KIAA1217: variants seen among roughly 807,000 people sequenced by gnomAD.
KIAA1217 encodes sickle tail protein homolog.
A neutral mutation model predicts 163.9 loss-of-function variants in KIAA1217; 88 were observed. That is an observed-to-expected ratio of 0.54 (90% CI 0.45 to 0.64). KIAA1217 has a LOEUF of 0.64. KIAA1217 is among the 30% of genes least tolerant of loss of function. The pLI, the probability that KIAA1217 is intolerant of heterozygous loss-of-function variation, is 0.00. For missense variants in KIAA1217, 2,372 were observed against 2,475.0 expected, an observed-to-expected ratio of 0.96 and a Z score of 0.88; for synonymous variants, 903 against 923.1, an observed-to-expected ratio of 0.98 and a Z score of 0.39.
intron 1 of KIAA1217, among the ~76,000 whole-genome samples, chr10:23,704,172 G>GTGTGTA (rs1229370789): frequency 5.3e-4 from 21 of 39,934 alleles, no homozygotes; most frequent in African/African-American, 1.2e-3. Flanking sequence ...GTGTGTGTGT[G>GTGTGTA]TATATATATA....
chr10:24,419,300 G>C (rs1055490102), intron 3 of KIAA1217, among the ~76,000 whole-genome samples: 5 of 152,104 alleles, frequency 3.3e-5, no homozygotes, highest in Admixed American at 2.0e-4. Flanking sequence ...TCAGATCTGA[G>C]TGCTCTGTGG....
At chr10:23,881,985 C>T (rs909612135) in intron 1 of KIAA1217, among the ~76,000 whole-genome samples, 1 of 151,898 alleles carries the variant, frequency 6.6e-6, no homozygotes, top group African/African-American at 2.4e-5. Flanking sequence ...TGCTGCTTAT[C>T]TCTTTCATTA....
rs903103460 is a variant in KIAA1217, at chr10:24,478,699, T to G, written c.1679+4639T>G. Among the ~76,000 whole-genome samples, 11 of 152,330 alleles carry G rather than the reference T, an allele frequency of 7.2e-5. 1 individual carries two copies. The highest frequency in any genetic ancestry group is 6.5e-4 in the Admixed American group (10 of 15,302). ...CATGTGTGACAAATGGCTTAGTGCC[T>G]GAGGCTCTGTCTTCTCTAGGTTGTA... On this transcript the variant is annotated intron_variant, in intron 6 of 20. Transcript: ENST00000376454.
chr10:23,951,893 G>A (rs1844351875), intron 1 of KIAA1217, among the ~76,000 whole-genome samples: 1 of 152,100 alleles, frequency 6.6e-6, no homozygotes, highest in African/African-American at 2.4e-5. Context: ...ACTTTTCATT[G>A]TTTTTCTATG....
intron 1 of KIAA1217, among the ~76,000 whole-genome samples, chr10:23,765,256 G>A (rs1164285141): frequency 2.2e-5 from 3 of 135,048 alleles, no homozygotes; most frequent in African/African-American, 5.6e-5. Context: ...GTGCAGTGGC[G>A]CGATCTCCGC....
intron 2 of KIAA1217, among the ~76,000 whole-genome samples, chr10:24,128,953 A>G (rs1299029765): frequency 3.9e-5 from 6 of 152,238 alleles, no homozygotes; most frequent in African/African-American, 1.4e-4. Flanking sequence ...TTTCAAGAGA[A>G]TCAGAATTAA....
intron 2 of KIAA1217, among the ~76,000 whole-genome samples, chr10:24,195,170 T>G (rs572242158): frequency 6.6e-6 from 1 of 152,244 alleles, no homozygotes; most frequent in East Asian, 1.9e-4. Context: ...CCTTCAGGCC[T>G]AGGAGAAGTA....
intron 1 of KIAA1217, among the ~76,000 whole-genome samples, chr10:23,768,133 T>G (rs1331062194): frequency 6.6e-6 from 1 of 152,214 alleles, no homozygotes; most frequent in East Asian, 1.9e-4. Context: ...TCTTAAAATG[T>G]AGCCCAATGA....
chr10:24,522,302 C>T (rs752506122), intron 12 of KIAA1217, among the ~76,000 whole-genome samples: 12 of 151,560 alleles, frequency 7.9e-5, no homozygotes, highest in Non-Finnish European at 1.5e-4. Flanking sequence ...CCAGCCTGGG[C>T]AACAGAGAAA....
At chr10:24,210,146 G>T (rs773732998) in intron 1 of KIAA1217, among the ~76,000 whole-genome samples, 1 of 151,882 alleles carries the variant, frequency 6.6e-6, no homozygotes, top group African/African-American at 2.4e-5. Flanking sequence ...GGAGTGCAGT[G>T]CTGTGCGTGG....
At chr10:23,759,876 C>A (rs748521934) in intron 1 of KIAA1217, among the ~76,000 whole-genome samples, 2 of 152,162 alleles carry the variant, frequency 1.3e-5, no homozygotes, top group South Asian at 4.1e-4. Flanking sequence ...GTTTCTATAT[C>A]CACACCTACA....
At chr10:24,359,746 AC>A (rs941742497) in intron 2 of KIAA1217, among the ~76,000 whole-genome samples, 9 of 152,092 alleles carry the variant, frequency 5.9e-5, no homozygotes, top group Non-Finnish European at 1.2e-4. Flanking sequence ...TTGGGATATC[AC>A]CCTGAACTCT....
At chr10:24,480,729 C>A (rs746863597) in intron 6 of KIAA1217, among the ~76,000 whole-genome samples, 1 of 152,004 alleles carries the variant, frequency 6.6e-6, no homozygotes, top group Non-Finnish European at 1.5e-5. Flanking sequence ...AGGAACTCCC[C>A]GAAGAAGCAG....
rs566119249 is a variant in KIAA1217, at chr10:24,039,856, A to C, written c.-171+32482A>C. Among the ~76,000 whole-genome samples, 11 of 151,562 alleles carry C rather than the reference A, an allele frequency of 7.3e-5. No individual in the cohort carries two copies. In the South Asian group the frequency reaches 2.3e-3, roughly 32 times the overall value. On this transcript the variant is annotated intron_variant, in intron 2 of 18. Coordinates refer to the KIAA1217 transcript ENST00000376462. ...GATATAGATATAGATATAATCTCCC[A>C]CTGGCTCTGTTTTTCTGGAGAACCC...
At chr10:24,092,701 AC>A (rs966291574) in intron 2 of KIAA1217, among the ~76,000 whole-genome samples, 5 of 151,818 alleles carry the variant, frequency 3.3e-5, no homozygotes, top group African/African-American at 9.7e-5. Context: ...TGAAAAAAAA[AC>A]AAAAACCTAG....
chr10:23,980,268 C>G lies in KIAA1217; in HGVS notation c.-320-26957C>G, dbSNP rs374027881. Among the ~76,000 whole-genome samples the G allele has an allele frequency of 5.0e-4, 76 of 152,296 alleles. 1 individual carries two copies. The highest frequency in any genetic ancestry group is 1.7e-3 in the African/African-American group (72 of 41,576). On this transcript the variant is annotated intron_variant, in intron 1 of 18. Coordinates refer to the KIAA1217 transcript ENST00000376462. ...TGGTGGGAGGGGCTGAGTGTGCTGACAGGTTTCAATGTCAGGAGATAGGGT... is the reference window on the plus strand; with the variant it reads ...TGGTGGGAGGGGCTGAGTGTGCTGAGAGGTTTCAATGTCAGGAGATAGGGT...
At chr10:24,288,046 A>T (rs1338630108) in intron 2 of KIAA1217, among the ~76,000 whole-genome samples, 1 of 152,188 alleles carries the variant, frequency 6.6e-6, no homozygotes, top group Non-Finnish European at 1.5e-5. Context: ...GTTGAAACTT[A>T]GCCAGCCTTT....
At chr10:24,249,858 G>A (rs145680142) in intron 2 of KIAA1217, among the ~76,000 whole-genome samples, 141 of 152,236 alleles carry the variant, frequency 9.3e-4, no homozygotes, top group Non-Finnish European at 1.5e-3. Context: ...GCAAGCCTAG[G>A]GCATGTTTCT....
At chr10:24,048,673 T>C (rs1027344426) in intron 2 of KIAA1217, among the ~76,000 whole-genome samples, 1 of 150,736 alleles carries the variant, frequency 6.6e-6, no homozygotes, top group African/African-American at 2.4e-5. Flanking sequence ...GAGGTTGCAG[T>C]GAGCCAAGAT....
Sources: gnomAD v4.1 joint callset for allele counts (sites outside exome capture counted in the v4.1 genomes callset) on GRCh38, gnomAD v4.1.1 for gene constraint, MANE v1.5 for transcripts, NCBI Gene and HGNC (gene_info 2026-07-23, HGNC 2026-07-21) for gene names.